PLA2G5: variants seen among roughly 807,000 people sequenced by gnomAD.
The protein encoded by PLA2G5 is Ca2+-dependent phospholipase A2.
In PLA2G5, 12 loss-of-function variants were observed where a neutral mutation model predicts 15.9. That is an observed-to-expected ratio of 0.76 (90% confidence interval 0.48 to 1.23). The LOEUF (loss-of-function observed/expected upper bound fraction) is 1.23. PLA2G5 is among the 50% of genes most tolerant of loss of function. The pLI, the probability that PLA2G5 is intolerant of heterozygous loss-of-function variation, is 0.00. For missense variants in PLA2G5, 169 were observed against 177.1 expected, an observed-to-expected ratio of 0.95 and a Z score of 0.26; for synonymous variants, 71 against 71.4, an observed-to-expected ratio of 0.99 and a Z score of 0.03.
At chr1:20,059,285 G>T (rs1366428715) in intron 1 of PLA2G5, among the ~76,000 whole-genome samples, 1 of 152,076 alleles carries the variant, frequency 6.6e-6, no homozygotes, top group East Asian at 1.9e-4. Context: ...AATATTAGCT[G>T]GGTGTGGTGG....
At chr1:20,066,983 G>C (rs900103082), upstream of PLA2G5, among the ~76,000 whole-genome samples, 3 of 137,390 alleles carry the variant, frequency 2.2e-5, no homozygotes, top group Non-Finnish European at 4.7e-5. Context: ...TCCAGCCTGA[G>C]TGACAGAGTG....
intron 1 of PLA2G5, among the ~76,000 whole-genome samples, chr1:20,084,541 C>T (rs538666942): frequency 6.6e-6 from 1 of 152,304 alleles, no homozygotes; most frequent in East Asian, 1.9e-4. Flanking sequence ...AGCCATTTTG[C>T]CAACGGGGTG....
At chr1:20,079,000 C>T (rs1223419774) in intron 1 of PLA2G5, among the ~76,000 whole-genome samples, 1 of 151,548 alleles carries the variant, frequency 6.6e-6, no homozygotes, top group East Asian at 1.9e-4. Context: ...GTCTCAGCTA[C>T]TCGAGAGGCA....
chr1:20,087,694 A>G (rs1484189819), intron 3 of PLA2G5, among the ~76,000 whole-genome samples: 1 of 152,146 alleles, frequency 6.6e-6, no homozygotes, highest in East Asian at 1.9e-4. Context: ...ATATATATAT[A>G]TACAGGGTTC....
upstream of PLA2G5, among the ~76,000 whole-genome samples, chr1:20,068,608 T>C (rs1323365111): frequency 1.3e-5 from 2 of 151,944 alleles, no homozygotes; most frequent in African/African-American, 4.8e-5. Context: ...TGTGCCACCA[T>C]GCCTGGCTAA....
intron 2 of PLA2G5, 127 bp downstream of exon 2, chr1:20,084,997 T>C (rs1286288020): frequency 3.9e-6 from 3 of 760,030 alleles, no homozygotes; most frequent in East Asian, 4.9e-5. Context: ...ACTGACTGCA[T>C]AGACATTCAG....
chr1:20,069,927 G>A (rs1335016485), upstream of PLA2G5, among the ~76,000 whole-genome samples: 1 of 151,962 alleles, frequency 6.6e-6, no homozygotes. Flanking sequence ...TCCCCGCCAA[G>A]ACTGATGAGC....
intron 3 of PLA2G5, among the ~76,000 whole-genome samples, chr1:20,087,348 G>A (rs1282449678): frequency 1.3e-5 from 2 of 152,046 alleles, no homozygotes; most frequent in African/African-American, 4.8e-5. Flanking sequence ...AGATGCTCTA[G>A]TCCCTGATAT....
In PLA2G5 at chr1:20,063,800, C is replaced by G. The variant is rs529774414; in HGVS notation, n.337+4108C>G. On this transcript the variant is annotated intron_variant and non_coding_transcript_variant, in intron 2 of 6. Transcript: ENST00000460175. ...GCAAGTTCATGGCAGAAATGGGGCTCCAATCCTCTGTGAGGCTTTGCCCGG... is the reference window on the plus strand; with the variant it reads ...GCAAGTTCATGGCAGAAATGGGGCTGCAATCCTCTGTGAGGCTTTGCCCGG... 4.4e-4 allele frequency among the ~76,000 whole-genome samples: 67 copies of G among 152,324 alleles called. 1 individual carries two copies. The South Asian group carries it at 0.013, about 31-fold the overall frequency.
At chr1:20,031,104 G>C (rs116243995) in intron 1 of PLA2G5, among the ~76,000 whole-genome samples, 2,347 of 152,314 alleles carry the variant, frequency 0.015, 31 homozygotes, top group Non-Finnish European at 0.027. Context: ...GAGAGGGAGA[G>C]AGAGAAATGG....
In PLA2G5 at chr1:20,055,665, C is replaced by T. The variant is rs75181961; in HGVS notation, n.277-3967C>T. Among the ~76,000 whole-genome samples, 1,341 of 152,234 alleles carry T rather than the reference C, an allele frequency of 8.8e-3. 24 individuals are homozygous for T. Among genetic ancestry groups the T allele is most frequent in the African/African-American group, 0.029 (1,220 of 41,530 alleles). ...TTCCCTGTAGATCCAACTTGTCCAC[C>T]GACCCAGTGCTTTGGGACTAGCAGT... On this transcript the variant is annotated intron_variant and non_coding_transcript_variant, in intron 1 of 6. Coordinates refer to the PLA2G5 transcript ENST00000460175.
chr1:20,048,790 C>T (rs958648940), intron 1 of PLA2G5, among the ~76,000 whole-genome samples: 20 of 152,072 alleles, frequency 1.3e-4, no homozygotes, highest in African/African-American at 4.8e-4. Flanking sequence ...TTTTCATAAA[C>T]AATCTAGGCA....
intron 1 of PLA2G5, among the ~76,000 whole-genome samples, chr1:20,040,182 G>C (rs550679004): frequency 2.0e-5 from 3 of 152,080 alleles, no homozygotes; most frequent in Admixed American, 2.0e-4. Flanking sequence ...CTTTGCTATA[G>C]TATAGTAAAG....
rs139329104 is a variant in PLA2G5, at chr1:20,031,751, C to T, written n.276+3042C>T. Among the ~76,000 whole-genome samples, 77 of 152,190 alleles carry T rather than the reference C, an allele frequency of 5.1e-4. No individual in the cohort carries two copies. In the East Asian group the frequency reaches 0.014, roughly 27 times the overall value. Reference sequence around the variant, plus strand: ...GTATCCCGTGTAGAAAGGATGTTAGCTTTCCCGATGTGGGAGTAATTAGAA... The same window carrying T: ...GTATCCCGTGTAGAAAGGATGTTAGTTTTCCCGATGTGGGAGTAATTAGAA... On this transcript the variant is annotated intron_variant and non_coding_transcript_variant, in intron 1 of 6. Coordinates refer to the PLA2G5 transcript ENST00000460175.
At chr1:20,040,602 ACAC>A (rs1557724968) in intron 1 of PLA2G5, among the ~76,000 whole-genome samples, 6 of 151,516 alleles carry the variant, frequency 4.0e-5, no homozygotes, top group Non-Finnish European at 8.8e-5. Flanking sequence ...ACACACACAC[ACAC>A]AAACACTCAC....
chr1:20,084,857 G>A lies in PLA2G5; in HGVS notation c.27G>A (p.Trp9Ter), dbSNP rs766875783. ...TGAAAGGCCTCCTCCCACTGGCTTG[G>A]TTCCTGGCTTGTAGTAAGTGCTGGC... MKGLLPLA[W>*]FLACSVPAVQ... The change falls in exon 2 of 5, where the codon TGG (tryptophan) becomes TGA (stop). Residue 9 changes from tryptophan (W) to a stop codon, truncating the protein, a stop_gained. Coordinates refer to ENST00000375108, the MANE Select transcript of PLA2G5 (RefSeq NM_000929.3). LOFTEE classifies it high-confidence loss of function. 6.2e-7 allele frequency: 1 copy of A among 1,610,660 alleles called. No homozygotes were observed. The highest frequency in any genetic ancestry group is 8.5e-7 in the Non-Finnish European group (1 of 1,176,834).
intron 1 of PLA2G5, among the ~76,000 whole-genome samples, chr1:20,045,699 G>A (rs929985306): frequency 5.3e-5 from 8 of 152,166 alleles, no homozygotes; most frequent in Admixed American, 2.0e-4. Flanking sequence ...GGTCATAGGT[G>A]GATCTTTCTC....
chr1:20,090,653 C>A lies in PLA2G5; in HGVS notation c.378C>A (p.Asn126Lys), dbSNP rs536791691. The A allele has an allele frequency of 6.2e-7, 1 of 1,614,060 alleles. No homozygotes were observed. The highest frequency in any genetic ancestry group is 1.1e-5 in the South Asian group (1 of 91,084). ...TCAAGAGAAACCTACGGAGCTACAA[C>A]CCACAGTACCAATACTTTCCCAACA... is the stretch of plus-strand genomic sequence containing the variant. ...YCLKRNLRSY[N>K]PQYQYFPNIL... The change falls in exon 5 of 5, where the codon AAC becomes AAA. Residue 126 changes from asparagine to lysine, a missense_variant. Coordinates refer to ENST00000375108, the MANE Select transcript of PLA2G5 (RefSeq NM_000929.3).
rs1020774272 is a variant in PLA2G5 at position 20,041,918 on chromosome 1, T to A, written n.276+13209T>A. Among the ~76,000 whole-genome samples, 7 of 152,298 alleles carry A rather than the reference T, an allele frequency of 4.6e-5. No homozygotes were observed. In the East Asian group the frequency reaches 1.4e-3, roughly 29 times the overall value. On this transcript the variant is annotated intron_variant and non_coding_transcript_variant, in intron 1 of 6. Transcript: ENST00000460175. ...ATAAGCATTGGCCTGAGCAATGGGATCTGATGTCTTTTGATGGCCCTTGCA... is the reference window on the plus strand; with the variant it reads ...ATAAGCATTGGCCTGAGCAATGGGAACTGATGTCTTTTGATGGCCCTTGCA...
Sources: gnomAD v4.1 joint callset for allele counts (sites outside exome capture counted in the v4.1 genomes callset) on GRCh38, gnomAD v4.1.1 for gene constraint, MANE v1.5 for transcripts, NCBI Gene and HGNC (gene_info 2026-07-23, HGNC 2026-07-21) for gene names.